The following RABGAP1L variants were observed in gnomAD, a reference collection of about 807,000 sequenced individuals.
RABGAP1L encodes the protein rab GTPase-activating protein 1-like.
In RABGAP1L, 63 loss-of-function variants were observed where a neutral mutation model predicts 137.7. The ratio of observed to expected loss-of-function variants is 0.46; its 90% confidence interval spans 0.37 to 0.56. RABGAP1L has a LOEUF of 0.56. Ranked by LOEUF, RABGAP1L falls within the 20% of genes least tolerant of loss-of-function variation. The pLI, the probability that RABGAP1L is intolerant of heterozygous loss-of-function variation, is 0.00. For missense variants in RABGAP1L, 1,095 were observed against 1,244.0 expected (o/e 0.88, Z 1.80); for synonymous variants, 431 against 433.7 (o/e 0.99, Z 0.08).
At chr1:174,241,181 G>A (rs540018930) in intron 4 of RABGAP1L, among the ~76,000 whole-genome samples, 2 of 152,134 alleles carry the variant, frequency 1.3e-5, no homozygotes, top group South Asian at 4.2e-4. Context: ...TTAGCCGGGT[G>A]TGATGGCAGG....
chr1:174,511,604 G>T (rs1413028015), intron 13 of RABGAP1L, among the ~76,000 whole-genome samples: 1 of 151,386 alleles, frequency 6.6e-6, no homozygotes, highest in African/African-American at 2.4e-5. Flanking sequence ...CTCTCCTAGT[G>T]GGCTTTTCTT....
chr1:174,495,374 C>T (rs911695898), intron 13 of RABGAP1L, among the ~76,000 whole-genome samples: 3 of 152,100 alleles, frequency 2.0e-5, no homozygotes, highest in African/African-American at 7.2e-5. Context: ...AGCTCTTCCC[C>T]CATTCACCTA....
chr1:174,181,304 C>T (rs1666333988), intron 1 of RABGAP1L, among the ~76,000 whole-genome samples: 1 of 151,106 alleles, frequency 6.6e-6, no homozygotes, highest in Non-Finnish European at 1.5e-5. Flanking sequence ...CTGTGCCTAG[C>T]TACTAATCAT....
intron 13 of RABGAP1L, among the ~76,000 whole-genome samples, chr1:174,495,196 T>C (rs1466728158): frequency 6.6e-6 from 1 of 152,164 alleles, no homozygotes; most frequent in Non-Finnish European, 1.5e-5. Context: ...AAGATATATA[T>C]CATGAACTCT....
intron 1 of RABGAP1L, among the ~76,000 whole-genome samples, chr1:174,168,789 T>A (rs1020959415): frequency 2.0e-5 from 3 of 152,170 alleles, no homozygotes; most frequent in Admixed American, 6.5e-5. Context: ...ACATAGAAAA[T>A]TTTTCAGCAT....
At chr1:174,861,959 A>G (rs1185193362) in intron 19 of RABGAP1L, among the ~76,000 whole-genome samples, 2 of 152,110 alleles carry the variant, frequency 1.3e-5, no homozygotes, top group African/African-American at 4.8e-5. Flanking sequence ...AGTTTGATGT[A>G]GTCCTACGTG....
chr1:174,946,403 G>A (rs1666772305), intron 19 of RABGAP1L, among the ~76,000 whole-genome samples: 1 of 152,142 alleles, frequency 6.6e-6, no homozygotes, highest in Admixed American at 6.5e-5. Context: ...TACTTGGGAG[G>A]TTGAGTCAGG....
At chr1:174,620,478 A>C (rs1672343729) in intron 13 of RABGAP1L, among the ~76,000 whole-genome samples, 1 of 152,166 alleles carries the variant, frequency 6.6e-6, no homozygotes, top group Non-Finnish European at 1.5e-5. Flanking sequence ...GGATTAAGAC[A>C]CTCACTCAAA....
chr1:174,640,389 G>T (rs1216645926), intron 14 of RABGAP1L, among the ~76,000 whole-genome samples: 1 of 151,904 alleles, frequency 6.6e-6, no homozygotes, highest in African/African-American at 2.4e-5. Flanking sequence ...TTTGCTTTTT[G>T]TATCCAATTT....
intron 20 of RABGAP1L, among the ~76,000 whole-genome samples, chr1:174,966,383 G>A (rs1386497774): frequency 6.6e-6 from 1 of 152,148 alleles, no homozygotes; most frequent in Non-Finnish European, 1.5e-5. Context: ...AGCCTGCATT[G>A]TGAAATATGT....
At chr1:174,964,760 G>C in intron 20 of RABGAP1L, 1 of 1,310,304 alleles carries the variant, frequency 7.6e-7, no homozygotes, top group Non-Finnish European at 9.9e-7. Context: ...TTGCCCACTG[G>C]CTACCTCAAG....
chr1:174,965,075 C>A (rs1055420182), intron 20 of RABGAP1L: 2 of 912,726 alleles, frequency 2.2e-6, no homozygotes, highest in African/African-American at 1.7e-5. Context: ...AGTTACTAAC[C>A]AAACTTTCCC....
chr1:174,880,298 A>G (rs1276555054), intron 19 of RABGAP1L, among the ~76,000 whole-genome samples: 1 of 152,086 alleles, frequency 6.6e-6, no homozygotes, highest in Non-Finnish European at 1.5e-5. Context: ...TATTTTAGTC[A>G]TTGATTTTAC....
At chr1:174,427,837 G>A (rs1652137946) in intron 13 of RABGAP1L, among the ~76,000 whole-genome samples, 1 of 152,090 alleles carries the variant, frequency 6.6e-6, no homozygotes. Context: ...ACCTTCTACT[G>A]TGTGCCAGGC....
intron 19 of RABGAP1L, among the ~76,000 whole-genome samples, chr1:174,883,993 G>C (rs773695852): frequency 1.3e-5 from 2 of 152,172 alleles, no homozygotes; most frequent in Non-Finnish European, 2.9e-5. Context: ...AGGTTATCAA[G>C]AATAGAATGG....
chr1:174,671,642 C>A (rs1326659120), intron 14 of RABGAP1L, among the ~76,000 whole-genome samples: 1 of 152,078 alleles, frequency 6.6e-6, no homozygotes, highest in East Asian at 1.9e-4. Flanking sequence ...ATCCTTGCAT[C>A]CCTGGGATTA....
At chr1:174,383,044 C>G (rs942121296) in intron 12 of RABGAP1L, among the ~76,000 whole-genome samples, 1 of 150,008 alleles carries the variant, frequency 6.7e-6, no homozygotes, top group African/African-American at 2.5e-5. Flanking sequence ...TTGGAATACC[C>G]TGCGATGTGA....
rs1482358806 is a variant in RABGAP1L at position 174,252,185 on chromosome 1, G to GT, written c.876-294dup. ...GCTGGGATTACAGGCGTAAGCCACC[G>GT]TGCTTGGCCATGTTGTCTTTTTTAA... On this transcript the variant is annotated intron_variant, in intron 6 of 25. Transcript: ENST00000681986. Among the ~76,000 whole-genome samples the GT allele has an allele frequency of 2.0e-5, 3 of 152,272 alleles. No individual in the cohort carries two copies. The East Asian group carries it at 5.8e-4, about 29-fold the overall frequency.
chr1:174,825,666 T>C (rs1417761650), intron 19 of RABGAP1L, among the ~76,000 whole-genome samples: 1 of 152,198 alleles, frequency 6.6e-6, no homozygotes, highest in South Asian at 2.1e-4. Flanking sequence ...GTGGATCACT[T>C]GAGGCCAGGA....
Sources: gnomAD v4.1 joint callset for allele counts (sites outside exome capture counted in the v4.1 genomes callset) on GRCh38, gnomAD v4.1.1 for gene constraint, MANE v1.5 for transcripts, NCBI Gene and HGNC (gene_info 2026-07-23, HGNC 2026-07-21) for gene names.